The following SLC15A2 variants were observed in gnomAD, a reference collection of about 807,000 sequenced individuals.
SLC15A2 encodes the protein solute carrier family 15 member 2.
SLC15A2 carries 77 observed loss-of-function variants against 95.5 expected under a neutral mutation model. The observed-to-expected ratio is 0.81, with a 90% CI of 0.67 to 0.97. SLC15A2 has a LOEUF of 0.97. SLC15A2 is among the 50% of genes least tolerant of loss of function. The probability of loss-of-function intolerance (pLI) is 0.00; values close to 1 mark genes in which losing one functional copy is unlikely to be tolerated. For synonymous variants in SLC15A2, 306 were observed against 306.9 expected (o/e 1.00, Z 0.03); for missense variants, 893 against 874.4 (o/e 1.02, Z -0.27).
intron 11 of SLC15A2, 147 bp downstream of exon 11, chr3:121,923,413 T>C (rs940358566): frequency 1.4e-6 from 1 of 711,346 alleles, no homozygotes; most frequent in Non-Finnish European, 2.3e-6. Context: ...TAGGCAAAGA[T>C]AAAGAAAGCT....
At chr3:121,933,409 C>T (rs1345855168) in intron 19 of SLC15A2, among the ~76,000 whole-genome samples, 113 of 150,184 alleles carry the variant, frequency 7.5e-4, no homozygotes, top group Middle Eastern at 3.5e-3. Flanking sequence ...TTCTCCACAT[C>T]CTCTCCAGCA....
chr3:121,915,476 G>A, intron 6 of SLC15A2, 140 bp from the exon 7 acceptor site: 1 of 793,772 alleles, frequency 1.3e-6, no homozygotes, highest in African/African-American at 1.7e-5. Context: ...GAAGAACTAT[G>A]GATTAGGTGA....
At position 121,940,918 on chromosome 3, in the gene SLC15A2, A is replaced by G; in HGVS notation, c.2101A>G (p.Thr701Ala). ...GGGCTACTACTATGTTCCTGTAAAG[A>G]CAGAGGATATGCGGGGTCCAGCAGA... ...IMGYYYVPVK[T>A]EDMRGPADKH... Residue 701 changes from threonine to alanine, a missense_variant, in exon 22 of 22, where the codon ACA (threonine) becomes GCA (alanine). Transcript: ENST00000489711. 6.2e-7 allele frequency: 1 copy of G among 1,614,178 alleles called. No individual in the cohort carries two copies. Among genetic ancestry groups the G allele is most frequent in the African/African-American group, 1.3e-5 (1 of 75,050 alleles).
chr3:121,899,144 A>C (rs1027138020), intron 3 of SLC15A2, among the ~76,000 whole-genome samples: 2 of 152,226 alleles, frequency 1.3e-5, no homozygotes, highest in Non-Finnish European at 1.5e-5. Flanking sequence ...AGATTGAAGA[A>C]GTACAGTTAC....
Position 121,940,487 on chromosome 3 carries a change from A to G in SLC15A2, c.2012A>G (p.Gln671Arg), listed in dbSNP as rs1439854845. The G allele has an allele frequency of 6.2e-7, 1 of 1,611,302 alleles. No homozygotes were observed. The highest frequency in any genetic ancestry group is 1.7e-5 in the Admixed American group (1 of 60,008). The change falls in exon 21 of 22, where the codon CAG (glutamine) becomes CGG (arginine). Residue 671 changes from glutamine to arginine, a missense_variant and splice_region_variant. Physicochemically the swap from Gln to Arg is conservative, Grantham distance 43. Transcript: ENST00000489711. ...GTGGCACAGTTCAGTGGCCTGGTACAGGTATGGATCTGAGGGAAGCAGGAT... is the reference window on the plus strand; with the variant it reads ...GTGGCACAGTTCAGTGGCCTGGTACGGGTATGGATCTGAGGGAAGCAGGAT... The part of the protein sequence containing the change: ...LVVAQFSGLV[Q>R]WAEFILFSCL...
intron 3 of SLC15A2, among the ~76,000 whole-genome samples, chr3:121,906,792 T>C (rs1709656246): frequency 6.6e-6 from 1 of 152,328 alleles, no homozygotes; most frequent in East Asian, 1.9e-4. Context: ...GCCCTTAACA[T>C]TTTTTCCTTC....
intron 15 of SLC15A2, among the ~76,000 whole-genome samples, 181 bp downstream of exon 15, chr3:121,928,736 A>G (rs180750436): frequency 6.6e-6 from 1 of 152,222 alleles, no homozygotes; most frequent in Non-Finnish European, 1.5e-5. Flanking sequence ...AGACATTTCC[A>G]CATAGGTATT....
rs1488008457 is a variant in SLC15A2 at position 121,943,998 on chromosome 3, T to A, written c.*2991T>A. On this transcript the variant is annotated 3_prime_UTR_variant, in exon 22 of 22. Coordinates refer to ENST00000489711, the MANE Select transcript of SLC15A2 (RefSeq NM_021082.4). ...TCTGAAAATGTCTATATCTGTTATG[T>A]ATCAATTTTTTAAAAAGTGAATGAC... 1 of 152,162 alleles carries A rather than the reference T, an allele frequency of 6.6e-6. No individual in the cohort carries two copies. Among genetic ancestry groups the A allele is most frequent in the Non-Finnish European group, 1.5e-5 (1 of 68,038 alleles). 9.4% of individuals were successfully genotyped at this position (152,162 alleles called of 1,614,324 possible).
In SLC15A2 at chr3:121,938,308, C is replaced by A. The variant is rs527902361; in HGVS notation, c.1762-1041C>A. Among the ~76,000 whole-genome samples, 49 of 152,344 alleles carry A rather than the reference C, an allele frequency of 3.2e-4. No homozygotes were observed. In the East Asian group the frequency reaches 4.1e-3, roughly 13 times the overall value. ...TGGGCTCCACCCAGTTGGAGCTTCTCGGCTGCTTTGTTTACCTAAGCAAGC... is the reference window on the plus strand; with the variant it reads ...TGGGCTCCACCCAGTTGGAGCTTCTAGGCTGCTTTGTTTACCTAAGCAAGC... On this transcript the variant is annotated intron_variant, in intron 19 of 21. Coordinates refer to ENST00000489711, the MANE Select transcript of SLC15A2 (RefSeq NM_021082.4).
chr3:121,933,310 AG>A (rs1710270185), intron 19 of SLC15A2, among the ~76,000 whole-genome samples: 1 of 151,424 alleles, frequency 6.6e-6, no homozygotes, highest in African/African-American at 2.4e-5. Context: ...TAGTATTTCT[AG>A]TTCTAGATCC....
chr3:121,932,208 A>G (rs985582223), intron 19 of SLC15A2, among the ~76,000 whole-genome samples: 1 of 152,048 alleles, frequency 6.6e-6, no homozygotes, highest in Non-Finnish European at 1.5e-5. Flanking sequence ...CTGGCTCTAC[A>G]GTGACTTTAG....
rs1710502162 is a variant in SLC15A2 at position 121,943,806 on chromosome 3, G to A, written c.*2799G>A. 6.6e-6 allele frequency: 1 copy of A among 152,178 alleles called. No individual in the cohort carries two copies. Among genetic ancestry groups the A allele is most frequent in the East Asian group, 1.9e-4 (1 of 5,202 alleles). 9.4% of individuals were successfully genotyped at this position (152,178 alleles called of 1,614,324 possible). A position where few individuals can be genotyped will look rare whatever the true frequency, so the allele number is the denominator to read the frequency against. ...TATAGACTGTTTCTCCAGCTATATGGTGTAGACTGTTTCTCCTAGGCTACA... is the reference window on the plus strand; with the variant it reads ...TATAGACTGTTTCTCCAGCTATATGATGTAGACTGTTTCTCCTAGGCTACA... On this transcript the variant is annotated 3_prime_UTR_variant, in exon 22 of 22. Transcript: ENST00000489711.
Position 121,913,029 on chromosome 3 carries a change from C to A in SLC15A2, c.437C>A (p.Ser146Ter). 3 of 1,612,778 alleles carry A rather than the reference C, an allele frequency of 1.9e-6. No homozygotes were observed. Among genetic ancestry groups the A allele is most frequent in the Non-Finnish European group, 2.5e-6 (3 of 1,178,998 alleles). The change falls in exon 5 of 22, where the codon TCA (serine) becomes TAA (stop). Residue 146 changes from serine (S) to a stop codon, truncating the protein, a stop_gained. Coordinates refer to ENST00000489711, the MANE Select transcript of SLC15A2 (RefSeq NM_021082.4). LOFTEE classifies it high-confidence loss of function. ...LGGQVVHTVL[S>*]LIGLSLIALG... ...TCACCTCTCCATTTCAGAGTCCTAT[C>A]ATTGATCGGCCTGAGTCTAATAGCT...
At chr3:121,921,948 T>G (rs923415968) in intron 7 of SLC15A2, among the ~76,000 whole-genome samples, 1 of 152,218 alleles carries the variant, frequency 6.6e-6, no homozygotes, top group Non-Finnish European at 1.5e-5. Context: ...ATATCTCTCT[T>G]AACAACATAC....
intron 7 of SLC15A2, among the ~76,000 whole-genome samples, chr3:121,917,132 T>C (rs1410449422): frequency 6.6e-6 from 1 of 152,212 alleles, no homozygotes; most frequent in Admixed American, 6.5e-5. Flanking sequence ...TTAATTTATT[T>C]TTTCATTCAC....
chr3:121,903,210 T>A (rs1559840186), intron 3 of SLC15A2, among the ~76,000 whole-genome samples: 1 of 152,246 alleles, frequency 6.6e-6, no homozygotes, highest in Non-Finnish European at 1.5e-5. Flanking sequence ...TGTTTTTTTC[T>A]TGTAAATTTG....
chr3:121,923,931 C>G (rs1241763002), intron 11 of SLC15A2, among the ~76,000 whole-genome samples: 1 of 152,046 alleles, frequency 6.6e-6, no homozygotes, highest in African/African-American at 2.4e-5. Context: ...TCTTATTTAC[C>G]ATGGTGGTCT....
intron 19 of SLC15A2, among the ~76,000 whole-genome samples, chr3:121,933,602 TG>T (rs1285772834): frequency 6.7e-6 from 1 of 150,204 alleles, no homozygotes; most frequent in Non-Finnish European, 1.5e-5. Flanking sequence ...CACTTTTTGA[TG>T]GGGTTGTTTG....
chr3:121,935,886 T>C (rs1399437860), intron 19 of SLC15A2, among the ~76,000 whole-genome samples: 3 of 152,226 alleles, frequency 2.0e-5, no homozygotes, highest in Admixed American at 2.0e-4. Flanking sequence ...TTTCCTGCTT[T>C]CTCTTGTGGG....
Sources: gnomAD v4.1 joint callset for allele counts (sites outside exome capture counted in the v4.1 genomes callset) on GRCh38, gnomAD v4.1.1 for gene constraint, MANE v1.5 for transcripts, NCBI Gene and HGNC (gene_info 2026-07-23, HGNC 2026-07-21) for gene names.